Variants in ACACB observed in about 807,000 individuals in gnomAD.
ACACB encodes the protein acetyl-CoA carboxylase beta.
A neutral mutation model predicts 278.8 loss-of-function variants in ACACB; 209 were observed. The observed-to-expected ratio is 0.75, with a 90% CI of 0.67 to 0.84. The LOEUF is 0.84. Ranked by LOEUF, ACACB falls within the 40% of genes least tolerant of loss-of-function variation. The pLI is 0.00. For synonymous variants in ACACB, 1,174 were observed against 1,285.6 expected, an observed-to-expected ratio of 0.91 and a Z score of 1.86; for missense variants, 2,850 against 3,269.0, an observed-to-expected ratio of 0.87 and a Z score of 3.13.
intron 18 of ACACB, among the ~76,000 whole-genome samples, chr12:109,200,447 G>A (rs536960082): frequency 4.6e-5 from 7 of 152,258 alleles, no homozygotes; most frequent in African/African-American, 1.7e-4. Context: ...GCCTCTGAAA[G>A]TGCTGGGATT....
Position 109,262,489 on chromosome 12 carries a change from T to C in ACACB, c.6787+20T>C, listed in dbSNP as rs1388954294. 6.3e-7 allele frequency: 1 copy of C among 1,578,690 alleles called. No individual in the cohort carries two copies. Among genetic ancestry groups the C allele is most frequent in the East Asian group, 2.2e-5 (1 of 44,714 alleles). ...AGCTAGGTAAGGGGGTCCCAAAGGC[T>C]TCACCTCTCAGAGGTCAAGAGAGGC... On this transcript the variant is annotated intron_variant, in intron 49 of 52. Transcript: ENST00000338432.
At chr12:109,131,945 C>T (rs988022677) in intron 1 of ACACB, among the ~76,000 whole-genome samples, 1 of 152,114 alleles carries the variant, frequency 6.6e-6, no homozygotes, top group Non-Finnish European at 1.5e-5. Context: ...TGTCGATCTG[C>T]GGCTGTGTCT....
chr12:109,244,850 A>C (rs1242345811), intron 37 of ACACB, among the ~76,000 whole-genome samples: 1 of 152,220 alleles, frequency 6.6e-6, no homozygotes, highest in Non-Finnish European at 1.5e-5. Context: ...ACTGAACAGC[A>C]GACCAGAGCT....
Position 109,206,693 on chromosome 12 carries a change from T to C in ACACB, c.2914-17T>C, listed in dbSNP as rs1228821431. The C allele has an allele frequency of 1.9e-6, 3 of 1,613,436 alleles. No individual in the cohort carries two copies. The highest frequency in any genetic ancestry group is 1.3e-5 in the African/African-American group (1 of 75,034). On this transcript the variant is annotated splice_polypyrimidine_tract_variant and intron_variant, in intron 19 of 52. Transcript: ENST00000338432. ...CCAGAGTTTTCCTGACCTGTCGTTC[T>C]TGTGGTGTCTCATCAGGCTGAACCG...
intron 44 of ACACB, among the ~76,000 whole-genome samples, chr12:109,255,148 GCA>G (rs2047193407): frequency 1.3e-5 from 2 of 151,952 alleles, no homozygotes; most frequent in Admixed American, 1.3e-4. Context: ...ACATGCACAT[GCA>G]CACACATTTT....
Position 109,209,350 on chromosome 12 carries a change from G to A in ACACB, c.3246G>A (p.Gln1082=). 1.2e-6 allele frequency: 2 copies of A among 1,608,328 alleles called. No individual in the cohort carries two copies. The highest frequency in any genetic ancestry group is 1.7e-6 in the Non-Finnish European group (2 of 1,177,588). The change falls in exon 21 of 53, where the codon CAG becomes CAA. Residue 1082 remains glutamine, a synonymous_variant. Coordinates refer to ENST00000338432, the MANE Select transcript of ACACB (RefSeq NM_001093.4). ...ITSVLCQFPS[Q]QIATILDCHA... ...CGGTGCTGTGCCAGTTCCCCAGCCA[G>A]CAGGTGCGTGCTCCCCTGCCCAGCC...
chr12:109,226,921 C>T (rs2046329076), intron 27 of ACACB, among the ~76,000 whole-genome samples: 1 of 151,738 alleles, frequency 6.6e-6, no homozygotes, highest in Non-Finnish European at 1.5e-5. Flanking sequence ...GAAATATGAG[C>T]AAATTTGCTC....
rs769602603 is a variant in ACACB at position 109,235,288 on chromosome 12, A to G, written c.4348-25A>G. 1.3e-5 allele frequency: 21 copies of G among 1,605,634 alleles called. No individual in the cohort carries two copies. The Admixed American group carries it at 2.8e-4, about 22-fold the overall frequency. On this transcript the variant is annotated intron_variant, in intron 31 of 52. Coordinates refer to ENST00000338432, the MANE Select transcript of ACACB (RefSeq NM_001093.4). ...TCCTTTTACGGCCAAATAATATTCCATTGTGTCTTTGGTTTTTAATGCAGA... is the reference window on the plus strand; with the variant it reads ...TCCTTTTACGGCCAAATAATATTCCGTTGTGTCTTTGGTTTTTAATGCAGA...
At chr12:109,144,750 C>CTTTTTTTTTTTTTTTTTTTTTTTTTTTTT (rs770963307) in intron 2 of ACACB, among the ~76,000 whole-genome samples, 1 of 86,772 alleles carries the variant, frequency 1.2e-5, no homozygotes, top group Non-Finnish European at 2.1e-5. Flanking sequence ...TTCTTTCTTT[C>CTTTTTTTTTTTTTTTTTTTTTTTTTTTTT]TTTCTTTTTT....
At chr12:109,227,617 T>G in intron 28 of ACACB, 128 bp downstream of exon 28, 1 of 846,218 alleles carries the variant, frequency 1.2e-6, no homozygotes, top group South Asian at 1.7e-5. Context: ...CGATAAGCAC[T>G]TCCCCTGTGG....
chr12:109,171,846 G>A lies in ACACB; in HGVS notation c.967G>A (p.Gly323Arg). ...MADHYVPVPG[G>R]PNNNNYANVE... ...GGATCATTACGTCCCCGTCCCAGGA[G>A]GGCCCAATAACAACAACTATGCCAA... The change falls in exon 5 of 53, where the codon GGG becomes AGG. Residue 323 changes from glycine (G) to arginine (R), a missense_variant. Around this residue, in one of 3 missense-constraint regions of ACACB, gnomAD observed 2,265 missense variants for 2,561.3 expected, o/e 0.88. Transcript: ENST00000338432. 1 of 1,614,162 alleles carries A rather than the reference G, an allele frequency of 6.2e-7. No homozygotes were observed. Among genetic ancestry groups the A allele is most frequent in the Non-Finnish European group, 8.5e-7 (1 of 1,180,010 alleles).
chr12:109,187,729 G>A (rs1274924696), intron 12 of ACACB, among the ~76,000 whole-genome samples: 1 of 151,754 alleles, frequency 6.6e-6, no homozygotes, highest in Non-Finnish European at 1.5e-5. Context: ...CAAAGTGCTG[G>A]GATTACAGAC....
intron 43 of ACACB, 122 bp from the exon 44 acceptor site, chr12:109,254,092 C>T: frequency 2.5e-6 from 3 of 1,197,212 alleles, no homozygotes; most frequent in Non-Finnish European, 3.6e-6. Flanking sequence ...GCTTCAGGAG[C>T]CCTAGGGAGG....
chr12:109,174,034 C>T lies in ACACB; in HGVS notation c.1118-98C>T, dbSNP rs2044201682. 4.0e-6 allele frequency: 4 copies of T among 988,038 alleles called. No homozygotes were observed. In the East Asian group the frequency reaches 1.1e-4, roughly 27 times the overall value. 61.2% of individuals were successfully genotyped at this position (988,038 alleles called of 1,614,324 possible). ...AGAGAATTTTCTCTGTCATCTGCTCCTTACCTGGCCCCACCACCGTGCACT... is the reference window on the plus strand; with the variant it reads ...AGAGAATTTTCTCTGTCATCTGCTCTTTACCTGGCCCCACCACCGTGCACT... On this transcript the variant is annotated intron_variant, in intron 6 of 52. Coordinates refer to ENST00000338432, the MANE Select transcript of ACACB (RefSeq NM_001093.4).
chr12:109,140,217 TCC>T (rs1417975651), intron 2 of ACACB, among the ~76,000 whole-genome samples, 159 bp downstream of exon 2: 1 of 135,148 alleles, frequency 7.4e-6, no homozygotes, highest in Non-Finnish European at 1.6e-5. Context: ...CTCAGAAGTT[TCC>T]TTCCTTCCTT....
chr12:109,207,122 A>C (rs1483602396), intron 20 of ACACB, among the ~76,000 whole-genome samples: 1 of 152,086 alleles, frequency 6.6e-6, no homozygotes, highest in Non-Finnish European at 1.5e-5. Flanking sequence ...CGCCCGGCTA[A>C]TTTTTTGTAT....
In ACACB at chr12:109,268,159, G is replaced by C. The variant is rs899113779; in HGVS notation, c.*1797G>C. 1 of 152,222 alleles carries C rather than the reference G, an allele frequency of 6.6e-6. No homozygotes were observed. The highest frequency in any genetic ancestry group is 2.4e-5 in the African/African-American group (1 of 41,450). 9.4% of individuals were successfully genotyped at this position (152,222 alleles called of 1,614,324 possible). A position where few individuals can be genotyped will look rare whatever the true frequency, so the allele number is the denominator to read the frequency against. On this transcript the variant is annotated 3_prime_UTR_variant, in exon 53 of 53. Transcript: ENST00000338432. The surrounding 1 kb of genome is among the most constrained non-coding windows in gnomAD (Gnocchi z 4.2). Reference sequence around the variant, plus strand: ...AGAGAAAGACAAGTTATGAGTAGCTGCTACCCTGGAACGGTGGGCAGAGAG... The same window carrying C: ...AGAGAAAGACAAGTTATGAGTAGCTCCTACCCTGGAACGGTGGGCAGAGAG...
At chr12:109,209,448 C>T (rs1269458363) in intron 21 of ACACB, 95 bp downstream of exon 21, 8 of 1,282,348 alleles carry the variant, frequency 6.2e-6, no homozygotes, top group Non-Finnish European at 8.6e-6. Context: ...TCAAGTTGAA[C>T]TCCTTGAGAC....
intron 28 of ACACB, 135 bp from the exon 29 acceptor site, chr12:109,232,534 C>A: frequency 1.8e-6 from 2 of 1,122,458 alleles, no homozygotes; most frequent in Non-Finnish European, 2.5e-6. Context: ...TTGTCTCATC[C>A]CCTGCCCATT....
Sources: gnomAD v4.1 joint callset for allele counts (sites outside exome capture counted in the v4.1 genomes callset) on GRCh38, gnomAD v4.1.1 for gene constraint, gnomAD v4.1.1 regional missense constraint, Gnocchi (gnomAD v3.1) non-coding constraint, MANE v1.5 for transcripts, NCBI Gene and HGNC (gene_info 2026-07-23, HGNC 2026-07-21) for gene names.